Variants in MEF2C observed in about 807,000 individuals in gnomAD.
The protein encoded by MEF2C is myocyte enhancer factor 2C.
In MEF2C, 6 loss-of-function variants were observed where a neutral mutation model predicts 50.5. That is an observed-to-expected ratio of 0.12 (90% CI 0.07 to 0.23). The LOEUF (loss-of-function observed/expected upper bound fraction) is 0.23, where lower values mean the gene tolerates loss of function less well. Ranked by LOEUF, MEF2C falls within the 10% of genes least tolerant of loss-of-function variation. The pLI, the probability that MEF2C is intolerant of heterozygous loss-of-function variation, is 1.00. For missense variants in MEF2C, 276 were observed against 605.0 expected, an observed-to-expected ratio of 0.46 and a Z score of 5.70; for synonymous variants, 183 against 228.0, an observed-to-expected ratio of 0.80 and a Z score of 1.78.
intron 6 of MEF2C, chr5:88,734,538 G>A: frequency 1.0e-6 from 1 of 963,216 alleles, no homozygotes; most frequent in Non-Finnish European, 1.2e-6. Context: ...AAATGGAAAT[G>A]CTTCACGGAG....
intron 1 of MEF2C, among the ~76,000 whole-genome samples, chr5:88,849,671 A>G (rs1820586073): frequency 6.6e-6 from 1 of 152,226 alleles, no homozygotes; most frequent in Non-Finnish European, 1.5e-5. Context: ...ATATTTCGAA[A>G]TGCAGAAACT....
chr5:88,880,916 A>C (rs552060254), intron 1 of MEF2C: 2 of 152,188 alleles, frequency 1.3e-5, no homozygotes, highest in African/African-American at 4.8e-5. Context: ...ACATTTAATA[A>C]AACTTACACT....
chr5:88,726,391 T>TCACATGA (rs1232489881), intron 10 of MEF2C, among the ~76,000 whole-genome samples: 1 of 152,160 alleles, frequency 6.6e-6, no homozygotes, highest in Non-Finnish European at 1.5e-5. Flanking sequence ...ACATAAGTAT[T>TCACATGA]GCAGCTTGGG....
At chr5:88,743,186 T>C (rs1471204380) in intron 6 of MEF2C, 1 of 950,218 alleles carries the variant, frequency 1.1e-6, no homozygotes, top group African/African-American at 1.8e-5. Flanking sequence ...ATTAGTTTTC[T>C]TATTTGAGGG....
intron 1 of MEF2C, among the ~76,000 whole-genome samples, chr5:88,862,853 A>G (rs542545029): frequency 6.4e-4 from 98 of 152,320 alleles, no homozygotes; most frequent in African/African-American, 2.3e-3. Context: ...CAGAGAATGG[A>G]AAGAAGATTA....
chr5:88,879,054 T>A (rs1414939736), intron 1 of MEF2C, among the ~76,000 whole-genome samples: 1 of 152,044 alleles, frequency 6.6e-6, no homozygotes, highest in African/African-American at 2.4e-5. Context: ...AAATTTTCTA[T>A]CTTATTATAA....
intron 1 of MEF2C, among the ~76,000 whole-genome samples, chr5:88,861,099 A>C (rs1825357413): frequency 6.6e-6 from 1 of 152,222 alleles, no homozygotes; most frequent in African/African-American, 2.4e-5. Flanking sequence ...TTAAGAAATT[A>C]ATTTATTTTC....
intron 3 of MEF2C, among the ~76,000 whole-genome samples, chr5:88,802,283 C>T (rs1259382816): frequency 6.6e-6 from 1 of 152,202 alleles, no homozygotes. Context: ...CAGAGAGGTA[C>T]CCAACTCACC....
At chr5:88,788,559 A>C (rs1473314183) in intron 3 of MEF2C, among the ~76,000 whole-genome samples, 1 of 152,126 alleles carries the variant, frequency 6.6e-6, no homozygotes, top group Non-Finnish European at 1.5e-5. Context: ...CAGTTTCGTC[A>C]TTTACTGTCC....
intron 2 of MEF2C, among the ~76,000 whole-genome samples, chr5:88,819,101 G>A (rs1316380483): frequency 6.6e-6 from 1 of 151,870 alleles, no homozygotes; most frequent in African/African-American, 2.4e-5. Flanking sequence ...TTGCTAGAGG[G>A]TCACATAGCT....
intron 4 of MEF2C, among the ~76,000 whole-genome samples, chr5:88,755,590 T>C (rs1260349060): frequency 2.6e-5 from 4 of 152,212 alleles, no homozygotes; most frequent in East Asian, 3.8e-4. Context: ...TCTCAGGTTT[T>C]AGGAAAAAAT....
chr5:88,849,429 A>T (rs1024865837), intron 1 of MEF2C, among the ~76,000 whole-genome samples: 4 of 152,148 alleles, frequency 2.6e-5, no homozygotes, highest in African/African-American at 9.7e-5. Context: ...ATATGCACAT[A>T]ATATATATAC....
upstream of MEF2C, chr5:88,883,228 CGCGCGCGCGAGGGGA>C (rs1460415127): frequency 3.3e-3 from 431 of 132,318 alleles, no homozygotes; most frequent in Middle Eastern, 0.011. Flanking sequence ...TGCGTGTGTG[CGCGCGCGCGAGGGGA>C]GCGCGCGCGA....
At chr5:88,854,198 T>C (rs1458534233) in intron 1 of MEF2C, among the ~76,000 whole-genome samples, 2 of 152,232 alleles carry the variant, frequency 1.3e-5, no homozygotes, top group African/African-American at 4.8e-5. Context: ...CTGTGAAATA[T>C]GTATTAGGAT....
In MEF2C at chr5:88,831,479, C is replaced by T. The variant is rs1813000880; in HGVS notation, c.-142-7549G>A. Among the ~76,000 whole-genome samples the T allele has an allele frequency of 2.0e-5, 3 of 151,632 alleles. No individual in the cohort carries two copies. In the South Asian group the frequency reaches 6.2e-4, roughly 31 times the overall value. ...ATTTGCTTCTTTCATTATTTATTTT[C>T]CAATTTACTTAACATTTAAAGATGA... On this transcript the variant is annotated intron_variant, in intron 1 of 10. Transcript: ENST00000504921.
intron 3 of MEF2C, among the ~76,000 whole-genome samples, chr5:88,800,079 T>G (rs1797746361): frequency 6.6e-6 from 1 of 152,196 alleles, no homozygotes; most frequent in African/African-American, 2.4e-5. Flanking sequence ...ACTTAATCAC[T>G]GGACTGTGGG....
At chr5:88,876,958 C>G (rs1357621454) in intron 1 of MEF2C, among the ~76,000 whole-genome samples, 13 of 151,924 alleles carry the variant, frequency 8.6e-5, no homozygotes, top group Non-Finnish European at 1.5e-4. Flanking sequence ...GGGACTGATT[C>G]AAAGATCAGT....
intron 1 of MEF2C, among the ~76,000 whole-genome samples, chr5:88,865,934 A>C (rs543107438): frequency 7.4e-5 from 11 of 148,786 alleles, no homozygotes; most frequent in South Asian, 2.1e-4. Context: ...CTTGGTCTGT[A>C]GCCCAGGCTG....
intron 3 of MEF2C, chr5:88,770,109 G>C: frequency 1.7e-6 from 1 of 582,924 alleles, no homozygotes; most frequent in Non-Finnish European, 2.2e-6. Context: ...GAGAGGAAAG[G>C]AGTAAATTAA....
Sources: allele counts gnomAD v4.1 joint callset (sites outside exome capture counted in the v4.1 genomes callset), GRCh38; gene constraint gnomAD v4.1.1; transcripts MANE v1.5; gene names NCBI Gene and HGNC (gene_info 2026-07-23, HGNC 2026-07-21).